CEP20: variants seen among roughly 807,000 people sequenced by gnomAD.
CEP20 encodes FGFR1OP N-terminal like.
In CEP20, 18 loss-of-function variants were observed where a neutral mutation model predicts 20.0. The ratio of observed to expected loss-of-function variants is 0.90; its 90% CI spans 0.62 to 1.34. CEP20 has a LOEUF of 1.34. CEP20 is among the 40% of genes most tolerant of loss of function. CEP20 has a pLI of 0.00. For missense variants in CEP20, 215 were observed against 201.6 expected (o/e 1.07, Z -0.40); for synonymous variants, 77 against 73.7 (o/e 1.04, Z -0.23).
chr16:15,886,901 ATT>A (rs1279483434), intron 1 of CEP20, among the ~76,000 whole-genome samples: 2 of 144,550 alleles, frequency 1.4e-5, no homozygotes, highest in Non-Finnish European at 3.0e-5. Context: ...TTATTTTTTA[ATT>A]TGTTTTTTTT....
At chr16:15,882,766 T>TA (rs1445128148) in intron 2 of CEP20, among the ~76,000 whole-genome samples, 2 of 105,612 alleles carry the variant, frequency 1.9e-5, no homozygotes, top group African/African-American at 3.6e-5. Flanking sequence ...TATCTATCTA[T>TA]CTATCTATCT....
At position 15,867,304 on chromosome 16, in the gene CEP20, G is replaced by A; in HGVS notation, c.*136C>T. ...GAGTTAGCTTTTATTCACAAATGTA[G>A]TTAAACATGAGGGGTGTTTTGTAGA... On this transcript the variant is annotated 3_prime_UTR_variant, in exon 5 of 5. Coordinates refer to ENST00000255759, the MANE Select transcript of CEP20 (RefSeq NM_144600.4). 1 of 527,508 alleles carries A rather than the reference G, an allele frequency of 1.9e-6. No individual in the cohort carries two copies. The highest frequency in any genetic ancestry group is 3.2e-6 in the Non-Finnish European group (1 of 310,332). 32.7% of individuals were successfully genotyped at this position (527,508 alleles called of 1,614,324 possible).
At chr16:15,874,210 G>GT (rs2044889680) in intron 3 of CEP20, among the ~76,000 whole-genome samples, 1 of 152,080 alleles carries the variant, frequency 6.6e-6, no homozygotes, top group African/African-American at 2.4e-5. Flanking sequence ...AATGTCAAGT[G>GT]TTTTTTACTG....
In CEP20 at chr16:15,881,901, A is replaced by G. The variant is rs999795563; in HGVS notation, c.227-2013T>C. Among the ~76,000 whole-genome samples the G allele has an allele frequency of 5.3e-5, 8 of 151,930 alleles. 1 individual carries two copies. The highest frequency in any genetic ancestry group is 4.6e-4 in the Admixed American group (7 of 15,244). On this transcript the variant is annotated intron_variant, in intron 2 of 4. Coordinates refer to ENST00000255759, the MANE Select transcript of CEP20 (RefSeq NM_144600.4). ...CCAATATCATTCTCTGCCTCCTATC[A>G]CTAGGATGAGTTTGGAGTTTCCCGC...
intron 1 of CEP20, among the ~76,000 whole-genome samples, chr16:15,887,223 A>C (rs576039240): frequency 2.6e-5 from 4 of 152,204 alleles, no homozygotes; most frequent in Non-Finnish European, 4.4e-5. Flanking sequence ...TCCTCTGAAA[A>C]TGTATGCAAT....
chr16:15,867,973 C>CAAAAAAAAAA (rs34250443), intron 4 of CEP20, among the ~76,000 whole-genome samples: 3 of 69,636 alleles, frequency 4.3e-5, no homozygotes, highest in Non-Finnish European at 8.8e-5. Context: ...AACTCGGTCT[C>CAAAAAAAAAA]AAAAAAAAAA....
chr16:15,866,906 C>T lies in CEP20; in HGVS notation c.*534G>A, dbSNP rs867324110. 6.6e-6 allele frequency: 1 copy of T among 152,488 alleles called. No homozygotes were observed. The highest frequency in any genetic ancestry group is 1.5e-5 in the Non-Finnish European group (1 of 68,192). 9.4% of individuals were successfully genotyped at this position (152,488 alleles called of 1,614,324 possible). ...TCATTTCCTTACAAACTTTAAGGGC[C>T]TTTATAATACTTCCTAAATGGCTGG... On this transcript the variant is annotated 3_prime_UTR_variant, in exon 5 of 5. Coordinates refer to ENST00000255759, the MANE Select transcript of CEP20 (RefSeq NM_144600.4).
chr16:15,867,973 C>CAAAAAAAAAAAAAAAAAAAAAAAAAAAA (rs34250443), intron 4 of CEP20, among the ~76,000 whole-genome samples: 1 of 69,644 alleles, frequency 1.4e-5, no homozygotes. Context: ...AACTCGGTCT[C>CAAAAAAAAAAAAAAAAAAAAAAAAAAAA]AAAAAAAAAA....
chr16:15,884,035 T>C lies in CEP20; in HGVS notation c.199A>G (p.Lys67Glu). ...IREYLEFNKY[K>E]YTASVLIAES... ...GCTATGAGGACAGATGCTGTATACTTATATTTGTTGAATTCTAAATACTCT... is the reference window on the plus strand; with the variant it reads ...GCTATGAGGACAGATGCTGTATACTCATATTTGTTGAATTCTAAATACTCT... Residue 67 changes from lysine (K) to glutamate (E), a missense_variant, in exon 2 of 5, where the codon AAG (lysine) becomes GAG (glutamate). Transcript: ENST00000255759. The C allele has an allele frequency of 6.2e-7, 1 of 1,613,306 alleles. No homozygotes were observed. The highest frequency in any genetic ancestry group is 8.5e-7 in the Non-Finnish European group (1 of 1,179,372).
chr16:15,877,694 T>C (rs567149312), intron 3 of CEP20, among the ~76,000 whole-genome samples: 25 of 152,046 alleles, frequency 1.6e-4, no homozygotes, highest in Non-Finnish European at 2.4e-4. Flanking sequence ...GGAGAATCGC[T>C]TGAGCCCAGG....
In CEP20 at chr16:15,866,092, C is replaced by T. The variant is rs2044671938; in HGVS notation, c.*1348G>A. The T allele has an allele frequency of 6.6e-6, 1 of 151,986 alleles. No homozygotes were observed. The highest frequency in any genetic ancestry group is 1.9e-4 in the East Asian group (1 of 5,174). The allele number at this position is 151,986 out of a possible 1,614,324, so 9.4% of individuals were successfully genotyped here. A position where few individuals can be genotyped will look rare whatever the true frequency, so the allele number is the denominator to read the frequency against. The stretch of plus-strand genomic sequence containing the variant: ...TGGACTCTTGCAATACTTCTGCATC[C>T]ATATATAATTTTACCAGCAGGGCCT... On this transcript the variant is annotated 3_prime_UTR_variant, in exon 5 of 5. Coordinates refer to ENST00000255759, the MANE Select transcript of CEP20 (RefSeq NM_144600.4).
chr16:15,870,123 T>C (rs1370321904), intron 4 of CEP20, among the ~76,000 whole-genome samples: 1 of 152,194 alleles, frequency 6.6e-6, no homozygotes, highest in Non-Finnish European at 1.5e-5. Flanking sequence ...AATCTACCGC[T>C]TTCATCTCAG....
Position 15,865,776 on chromosome 16 carries a change from TACAA to T in CEP20, c.*1660_*1663del, listed in dbSNP as rs1319541042. 4 of 152,182 alleles carry T rather than the reference TACAA, an allele frequency of 2.6e-5. No homozygotes were observed. Among genetic ancestry groups the T allele is most frequent in the Non-Finnish European group, 4.4e-5 (3 of 68,016 alleles). 9.4% of individuals were successfully genotyped at this position (152,182 alleles called of 1,614,324 possible). A position where few individuals can be genotyped will look rare whatever the true frequency, so the allele number is the denominator to read the frequency against. On this transcript the variant is annotated 3_prime_UTR_variant, in exon 5 of 5. Coordinates refer to ENST00000255759, the MANE Select transcript of CEP20 (RefSeq NM_144600.4). ...TTGAAAGTATAAAAAGTTGCCGCAG[TACAA>T]ACAAATTACAGAATAATGCATATAA...
At chr16:15,868,656 G>T (rs62031709) in intron 4 of CEP20, among the ~76,000 whole-genome samples, 1 of 151,948 alleles carries the variant, frequency 6.6e-6, no homozygotes, top group Non-Finnish European at 1.5e-5. Flanking sequence ...TTATACACAC[G>T]CTTTATTAGT....
chr16:15,882,924 A>C (rs1046730488), intron 2 of CEP20: 8 of 152,102 alleles, frequency 5.3e-5, no homozygotes, highest in East Asian at 1.9e-4. Context: ...AAATACAAAA[A>C]TTCGCCGGGC....
At chr16:15,869,310 CTT>C (rs11351295) in intron 4 of CEP20, among the ~76,000 whole-genome samples, 1,484 of 118,142 alleles carry the variant, frequency 0.013, 19 homozygotes, top group African/African-American at 0.044. Flanking sequence ...TCTTTCTTTC[CTT>C]TTTTTTTTTT....
chr16:15,869,927 T>C (rs1458311508), intron 4 of CEP20, among the ~76,000 whole-genome samples: 3 of 152,220 alleles, frequency 2.0e-5, no homozygotes, highest in African/African-American at 7.2e-5. Flanking sequence ...CCCCGATTCA[T>C]TCAGCAGTCA....
At chr16:15,874,928 C>T (rs2044906823) in intron 3 of CEP20, among the ~76,000 whole-genome samples, 2 of 152,124 alleles carry the variant, frequency 1.3e-5, no homozygotes, top group South Asian at 2.1e-4. Context: ...TGGAAAGTTA[C>T]ATGCAGTAAG....
At chr16:15,878,112 G>C (rs948545655) in intron 3 of CEP20, among the ~76,000 whole-genome samples, 1 of 151,768 alleles carries the variant, frequency 6.6e-6, no homozygotes, top group Non-Finnish European at 1.5e-5. Flanking sequence ...AGAGAAAGAG[G>C]AAAATGCCAT....
Sources: gnomAD v4.1 joint callset for allele counts (sites outside exome capture counted in the v4.1 genomes callset) on GRCh38, gnomAD v4.1.1 for gene constraint, MANE v1.5 for transcripts, NCBI Gene and HGNC (gene_info 2026-07-23, HGNC 2026-07-21) for gene names.